The following MAD1L1 variants were observed in gnomAD, a reference collection of about 807,000 sequenced individuals.
The protein encoded by MAD1L1 is mitotic spindle assembly checkpoint protein MAD1.
MAD1L1 carries 95 observed loss-of-function variants against 96.9 expected under a neutral mutation model. The ratio of observed to expected loss-of-function variants is 0.98; its 90% CI spans 0.83 to 1.16. MAD1L1 has a LOEUF of 1.16. MAD1L1 is among the 50% of genes most tolerant of loss of function. MAD1L1 has a pLI of 0.00. For missense variants in MAD1L1, 1,007 were observed against 954.4 expected (o/e 1.06, Z -0.73); for synonymous variants, 473 against 396.6 (o/e 1.19, Z -2.29).
At chr7:1,882,431 G>A (rs575946916) in intron 18 of MAD1L1, among the ~76,000 whole-genome samples, 2 of 152,308 alleles carry the variant, frequency 1.3e-5, no homozygotes, top group South Asian at 2.1e-4. Context: ...AGATGGGAAG[G>A]CTTCAGAAGA....
intron 18 of MAD1L1, among the ~76,000 whole-genome samples, chr7:1,851,389 C>T (rs566260883): frequency 2.0e-5 from 3 of 152,304 alleles, no homozygotes; most frequent in South Asian, 2.1e-4. Context: ...CGGGAAACCC[C>T]GACAGGGAGG....
chr7:2,036,401 C>T (rs1029612518), intron 12 of MAD1L1, among the ~76,000 whole-genome samples: 49 of 152,214 alleles, frequency 3.2e-4, no homozygotes, highest in Non-Finnish European at 7.3e-5. Context: ...TGCATTCCTG[C>T]GCCACCTCCG....
intron 10 of MAD1L1, among the ~76,000 whole-genome samples, chr7:2,173,281 T>C (rs927188435): frequency 2.0e-5 from 3 of 152,132 alleles, no homozygotes; most frequent in African/African-American, 7.2e-5. Flanking sequence ...GAGGAGGCCA[T>C]GGCTCTGTGC....
At chr7:1,888,049 G>T (rs1038886300) in intron 18 of MAD1L1, among the ~76,000 whole-genome samples, 8 of 151,556 alleles carry the variant, frequency 5.3e-5, no homozygotes, top group Non-Finnish European at 1.2e-4. Flanking sequence ...ATGTGTGTGT[G>T]AGCCTTCATC....
intron 5 of MAD1L1, among the ~76,000 whole-genome samples, 191 bp from the exon 6 acceptor site, chr7:2,219,647 G>C (rs1793486963): frequency 1.4e-5 from 1 of 70,826 alleles, no homozygotes. Flanking sequence ...AGAGCGGTAG[G>C]GGGGCAGATG....
At chr7:1,985,246 A>G (rs1781085189) in intron 14 of MAD1L1, among the ~76,000 whole-genome samples, 1 of 152,174 alleles carries the variant, frequency 6.6e-6, no homozygotes, top group African/African-American at 2.4e-5. Context: ...TGAAATGAAA[A>G]CTGGAGGAGG....
intron 14 of MAD1L1, among the ~76,000 whole-genome samples, chr7:2,000,378 C>T (rs979250618): frequency 2.6e-5 from 4 of 152,282 alleles, no homozygotes; most frequent in East Asian, 3.9e-4. Flanking sequence ...GCATCCTTTA[C>T]GAATGGACAC....
At chr7:1,989,439 C>T (rs1315656279) in intron 14 of MAD1L1, among the ~76,000 whole-genome samples, 1 of 152,264 alleles carries the variant, frequency 6.6e-6, no homozygotes. Context: ...ACCTGTTGAT[C>T]TCCGGTGGGG....
chr7:1,979,810 C>T (rs182998067), intron 15 of MAD1L1, among the ~76,000 whole-genome samples: 100 of 152,316 alleles, frequency 6.6e-4, no homozygotes, highest in African/African-American at 2.1e-3. Context: ...GCAGCCATCT[C>T]GGCACAGCAC....
At chr7:1,851,906 G>A (rs1173640162) in intron 18 of MAD1L1, among the ~76,000 whole-genome samples, 1 of 152,228 alleles carries the variant, frequency 6.6e-6, no homozygotes, top group Non-Finnish European at 1.5e-5. Context: ...CCCGGGAGCT[G>A]GAGTGGCAGA....
rs1170424702 is a variant in MAD1L1, at chr7:1,968,039, A to T, written c.1506-10320T>A. Reference sequence around the variant, plus strand: ...TAAATGAAGAAGTGAATAAATGGGGAAGAGGAGACACCTCCCTCACAGAAC... The same window carrying T: ...TAAATGAAGAAGTGAATAAATGGGGTAGAGGAGACACCTCCCTCACAGAAC... On this transcript the variant is annotated intron_variant, in intron 15 of 18. Transcript: ENST00000265854. This position sits in a 1 kb window ranked among gnomAD's most constrained non-coding sequence, Gnocchi z 5.6. 6.6e-6 allele frequency among the ~76,000 whole-genome samples: 1 copy of T among 152,240 alleles called. No individual in the cohort carries two copies. Among genetic ancestry groups the T allele is most frequent in the Non-Finnish European group, 1.5e-5 (1 of 68,042 alleles).
chr7:2,033,703 G>A (rs903689597), intron 12 of MAD1L1, among the ~76,000 whole-genome samples: 2 of 152,374 alleles, frequency 1.3e-5, no homozygotes, highest in East Asian at 3.9e-4. Flanking sequence ...CATGAGGGCT[G>A]CACGCTACAC....
At chr7:1,883,964 C>T (rs61281703) in intron 18 of MAD1L1, among the ~76,000 whole-genome samples, 1 of 152,204 alleles carries the variant, frequency 6.6e-6, no homozygotes, top group Non-Finnish European at 1.5e-5. Flanking sequence ...TGAAGGAAGC[C>T]TGGAGGAGGA....
chr7:2,049,476 C>T (rs1037671899), intron 12 of MAD1L1, among the ~76,000 whole-genome samples: 9 of 152,224 alleles, frequency 5.9e-5, no homozygotes, highest in East Asian at 1.9e-4. Flanking sequence ...CACCAGCTCA[C>T]GGGCCTTCTG....
intron 17 of MAD1L1, among the ~76,000 whole-genome samples, chr7:1,908,604 C>T (rs1787822502): frequency 6.6e-6 from 1 of 152,120 alleles, no homozygotes; most frequent in South Asian, 2.1e-4. Context: ...GACCTGCGGG[C>T]CTCATGTGTG....
intron 12 of MAD1L1, among the ~76,000 whole-genome samples, chr7:2,021,733 C>T (rs1423203629): frequency 6.6e-6 from 1 of 151,966 alleles, no homozygotes. Context: ...CCACTGCACT[C>T]CAGCCTGGGC....
chr7:2,232,616 G>A (rs1794259198), intron 1 of MAD1L1, among the ~76,000 whole-genome samples: 1 of 152,170 alleles, frequency 6.6e-6, no homozygotes, highest in South Asian at 2.1e-4. Context: ...CGGAGACCCA[G>A]GCGAGGGGCC....
At chr7:2,177,916 G>A (rs988642064) in intron 10 of MAD1L1, among the ~76,000 whole-genome samples, 3 of 151,716 alleles carry the variant, frequency 2.0e-5, no homozygotes, top group African/African-American at 7.2e-5. Flanking sequence ...CTGGAGGCAA[G>A]AGCAACCCTT....
chr7:1,860,078 G>A (rs1784460456), intron 18 of MAD1L1, among the ~76,000 whole-genome samples: 1 of 143,566 alleles, frequency 7.0e-6, no homozygotes, highest in African/African-American at 2.6e-5. Context: ...GGCGGCCTCT[G>A]TGTCCCTAGA....
Sources: allele counts gnomAD v4.1 joint callset (sites outside exome capture counted in the v4.1 genomes callset), GRCh38; gene constraint gnomAD v4.1.1; non-coding constraint Gnocchi (gnomAD v3.1); transcripts MANE v1.5; gene names NCBI Gene and HGNC (gene_info 2026-07-23, HGNC 2026-07-21).